Variants in ABHD12 observed in about 807,000 individuals in gnomAD.
The protein encoded by ABHD12 is lysophosphatidylserine lipase ABHD12.
ABHD12 carries 43 observed loss-of-function variants against 58.3 expected under a neutral mutation model. The observed-to-expected ratio is 0.74, with a 90% CI of 0.58 to 0.95. The LOEUF is 0.95. Ranked by LOEUF, ABHD12 falls within the 40% of genes least tolerant of loss-of-function variation. ABHD12 has a pLI of 0.00. For missense variants in ABHD12, 539 were observed against 537.2 expected, an observed-to-expected ratio of 1.00 and a Z score of -0.03; for synonymous variants, 219 against 211.2, an observed-to-expected ratio of 1.04 and a Z score of -0.32.
intron 5 of ABHD12, among the ~76,000 whole-genome samples, chr20:25,316,030 A>G (rs931742623): frequency 1.3e-5 from 2 of 152,158 alleles, no homozygotes; most frequent in African/African-American, 4.8e-5. Flanking sequence ...CACCCCCTGC[A>G]TGTGGGGAGA....
chr20:25,357,980 C>T (rs2089690934), intron 1 of ABHD12, among the ~76,000 whole-genome samples: 1 of 152,118 alleles, frequency 6.6e-6, no homozygotes, highest in Admixed American at 6.5e-5. Flanking sequence ...CACTGCAGTC[C>T]AGCCTGGGTG....
chr20:25,339,451 T>C, intron 1 of ABHD12, 100 bp from the exon 2 acceptor site: 1 of 1,569,992 alleles, frequency 6.4e-7, no homozygotes, highest in Non-Finnish European at 8.7e-7. Context: ...GAGCCACACA[T>C]ATTTTTTTTT....
intron 1 of ABHD12, among the ~76,000 whole-genome samples, chr20:25,350,895 T>C (rs1273146914): frequency 6.6e-6 from 1 of 151,506 alleles, no homozygotes; most frequent in East Asian, 1.9e-4. Context: ...TGACCTTGGA[T>C]ACCAGAGCAT....
downstream of ABHD12, chr20:25,296,641 T>A (rs2088551502): frequency 7.5e-7 from 1 of 1,331,018 alleles, no homozygotes; most frequent in Non-Finnish European, 1.0e-6. Flanking sequence ...GTACCATGTT[T>A]CCAGGAGGGG....
At chr20:25,383,525 A>G (rs1015304075) in intron 1 of ABHD12, among the ~76,000 whole-genome samples, 2 of 152,244 alleles carry the variant, frequency 1.3e-5, no homozygotes, top group Non-Finnish European at 2.9e-5. Flanking sequence ...AAGGCCCACA[A>G]AATCCCTCAT....
At chr20:25,369,449 A>G (rs1048309555) in intron 1 of ABHD12, among the ~76,000 whole-genome samples, 1 of 152,132 alleles carries the variant, frequency 6.6e-6, no homozygotes, top group Admixed American at 6.6e-5. Context: ...TACTAAACAC[A>G]TTACTCAGGA....
intron 1 of ABHD12, among the ~76,000 whole-genome samples, chr20:25,346,895 C>T (rs1309667469): frequency 2.0e-5 from 3 of 152,152 alleles, no homozygotes; most frequent in Non-Finnish European, 2.9e-5. Context: ...CCACCCGCCT[C>T]GGCCTCCCAA....
intron 7 of ABHD12, 127 bp downstream of exon 7, chr20:25,309,319 A>G: frequency 7.3e-7 from 1 of 1,377,354 alleles, no homozygotes; most frequent in Non-Finnish European, 1.0e-6. Flanking sequence ...TGGGGATGGG[A>G]GCGAGGCTGG....
intron 1 of ABHD12, among the ~76,000 whole-genome samples, chr20:25,347,192 A>AT (rs1301182685): frequency 6.6e-6 from 1 of 152,216 alleles, no homozygotes; most frequent in Non-Finnish European, 1.5e-5. Flanking sequence ...GTTTTATATC[A>AT]TTATTTTTAC....
At chr20:25,330,817 TCA>T (rs2089260384) in intron 2 of ABHD12, among the ~76,000 whole-genome samples, 2 of 151,878 alleles carry the variant, frequency 1.3e-5, no homozygotes, top group South Asian at 4.1e-4. Flanking sequence ...CATCTGTACA[TCA>T]CCATCATCAA....
intron 1 of ABHD12, among the ~76,000 whole-genome samples, chr20:25,386,904 T>C (rs1414333354): frequency 6.6e-6 from 1 of 151,910 alleles, no homozygotes; most frequent in Non-Finnish European, 1.5e-5. Flanking sequence ...AAAAAATAAA[T>C]GAATAAATAG....
At chr20:25,388,841 T>G (rs1212016394) in intron 1 of ABHD12, among the ~76,000 whole-genome samples, 1 of 139,934 alleles carries the variant, frequency 7.1e-6, no homozygotes, top group Non-Finnish European at 1.5e-5. Context: ...CAGGCTGGAG[T>G]GCACTGGTGC....
At chr20:25,335,712 A>G (rs557934664) in intron 2 of ABHD12, among the ~76,000 whole-genome samples, 1 of 150,288 alleles carries the variant, frequency 6.7e-6, no homozygotes, top group African/African-American at 2.5e-5. Flanking sequence ...CAAGATCAAA[A>G]AACCAAACAC....
intron 1 of ABHD12, among the ~76,000 whole-genome samples, chr20:25,375,023 T>C (rs940651406): frequency 1.3e-5 from 2 of 152,154 alleles, no homozygotes; most frequent in African/African-American, 4.8e-5. Context: ...AAGGAGGTAA[T>C]TATGCTAAAA....
chr20:25,362,117 A>C lies in ABHD12; in HGVS notation c.192-22766T>G, dbSNP rs112864434. 6.6e-3 allele frequency among the ~76,000 whole-genome samples: 998 copies of C among 152,120 alleles called. 16 individuals carry two copies. Among genetic ancestry groups the C allele is most frequent in the African/African-American group, 0.023 (956 of 41,486 alleles). ...TGGTGAAAACCCGTCTCTACTAAAAATACACAGAAAAAATTAGCTGGGCGT... is the reference window on the plus strand; with the variant it reads ...TGGTGAAAACCCGTCTCTACTAAAACTACACAGAAAAAATTAGCTGGGCGT... On this transcript the variant is annotated intron_variant, in intron 1 of 12. Coordinates refer to ENST00000339157, the MANE Select transcript of ABHD12 (RefSeq NM_001042472.3).
chr20:25,317,936 G>T (rs1405217565), intron 4 of ABHD12, among the ~76,000 whole-genome samples: 1 of 152,220 alleles, frequency 6.6e-6, no homozygotes. Context: ...CTCAGGAGCG[G>T]TCTCAACATT....
Position 25,390,529 on chromosome 20 carries a change from T to C in ABHD12, c.175A>G (p.Lys59Glu), listed in dbSNP as rs767237032. 2 of 1,377,300 alleles carry C rather than the reference T, an allele frequency of 1.5e-6. No homozygotes were observed. Among genetic ancestry groups the C allele is most frequent in the African/African-American group, 3.3e-5 (2 of 60,016 alleles). The allele number at this position is 1,377,300 out of a possible 1,614,324, so 85.3% of individuals were successfully genotyped here. A position where few individuals can be genotyped will look rare whatever the true frequency, so the allele number is the denominator to read the frequency against. The change falls in exon 1 of 13, where the codon AAG becomes GAG. Residue 59 changes from lysine (K) to glutamate (E), a missense_variant. Transcript: ENST00000339157. ...AAGCCTCACCTGCCCAGCGCCCGCT[T>C]CATTCCCGCGTCGGCTGCGCAGCGC... Reference protein sequence around the residue: ...EPRCAADAGMKRALGRRKGVW... With the variant: ...EPRCAADAGMERALGRRKGVW...
intron 1 of ABHD12, among the ~76,000 whole-genome samples, chr20:25,360,227 CTTTTTTT>C (rs576215687): frequency 3.2e-4 from 12 of 37,406 alleles, no homozygotes; most frequent in South Asian, 2.6e-3. Flanking sequence ...GAACACGTTA[CTTTTTTT>C]TTTTTTTTTT....
At position 25,339,331 on chromosome 20, in the gene ABHD12, C is replaced by A. The variant is rs768049980; in HGVS notation, c.212G>T (p.Arg71Leu). 1 of 1,614,086 alleles carries A rather than the reference C, an allele frequency of 6.2e-7. No individual in the cohort carries two copies. Among genetic ancestry groups the A allele is most frequent in the Non-Finnish European group, 8.5e-7 (1 of 1,180,012 alleles). The change falls in exon 2 of 13, where the codon CGC (arginine) becomes CTC (leucine). Residue 71 changes from arginine (R) to leucine (L), a missense_variant. Transcript: ENST00000339157. ...ALGRRKGVWL[R>L]LRKILFCVLG... ...AACACAGAAAAGTATCTTCCTCAGG[C>A]GCAACCACACGCCCTTTCGCCTGCA...
Sources: gnomAD v4.1 joint callset for allele counts (sites outside exome capture counted in the v4.1 genomes callset) on GRCh38, gnomAD v4.1.1 for gene constraint, MANE v1.5 for transcripts, NCBI Gene and HGNC (gene_info 2026-07-23, HGNC 2026-07-21) for gene names.